The following CASP8 variants were observed in gnomAD, a reference collection of about 807,000 sequenced individuals.
CASP8 encodes the protein caspase 8.
In CASP8, 24 loss-of-function variants were observed where a neutral mutation model predicts 46.3. That is an observed-to-expected ratio of 0.52 (90% confidence interval 0.38 to 0.73). CASP8 has a LOEUF of 0.73. CASP8 is among the 30% of genes least tolerant of loss of function. CASP8 has a pLI of 0.00. For synonymous variants in CASP8, 188 were observed against 200.4 expected (o/e 0.94, Z 0.52); for missense variants, 460 against 559.0 (o/e 0.82, Z 1.79).
upstream of CASP8, among the ~76,000 whole-genome samples, chr2:201,256,833 A>G (rs1947039569): frequency 6.6e-6 from 1 of 152,204 alleles, no homozygotes; most frequent in Non-Finnish European, 1.5e-5. Flanking sequence ...TGTGAAAGCA[A>G]AAGGGCAGAA....
chr2:201,249,403 G>A (rs748347348), intron 2 of CASP8, among the ~76,000 whole-genome samples: 1 of 152,168 alleles, frequency 6.6e-6, no homozygotes, highest in Non-Finnish European at 1.5e-5. Flanking sequence ...AAAATTAATG[G>A]ATTATTTTTT....
upstream of CASP8, chr2:201,258,404 G>A (rs1383923889): frequency 6.2e-7 from 1 of 1,613,710 alleles, no homozygotes; most frequent in Admixed American, 1.7e-5. Flanking sequence ...TTGCCAAGGT[G>A]GCCTCTTCAA....
At chr2:201,243,359 C>T (rs749678152) in intron 2 of CASP8, among the ~76,000 whole-genome samples, 3 of 152,174 alleles carry the variant, frequency 2.0e-5, no homozygotes, top group Non-Finnish European at 4.4e-5. Flanking sequence ...AATTTACACA[C>T]AAGACAATTT....
chr2:201,278,513 T>C (rs1038370370), intron 7 of CASP8, among the ~76,000 whole-genome samples: 1 of 152,124 alleles, frequency 6.6e-6, no homozygotes, highest in African/African-American at 2.4e-5. Flanking sequence ...TATTTTTTTC[T>C]ATTCCTAATG....
chr2:201,269,850 C>T (rs901673433), intron 2 of CASP8, among the ~76,000 whole-genome samples: 12 of 152,098 alleles, frequency 7.9e-5, no homozygotes, highest in Non-Finnish European at 1.0e-4. Context: ...ACAAGAAAGC[C>T]TATAGGCTTC....
intron 6 of CASP8, among the ~76,000 whole-genome samples, chr2:201,275,542 A>C (rs948885943): frequency 1.2e-4 from 19 of 152,344 alleles, no homozygotes; most frequent in Admixed American, 9.8e-4. Flanking sequence ...GAAATCCTGA[A>C]TATCTGAAGT....
chr2:201,238,475 T>C (rs1946151799), intron 2 of CASP8, among the ~76,000 whole-genome samples: 2 of 152,012 alleles, frequency 1.3e-5, no homozygotes, highest in Admixed American at 1.3e-4. Context: ...GGAGTCTTAC[T>C]CTGTCACTCA....
Position 201,274,927 on chromosome 2 carries a change from C to A in CASP8, c.634C>A (p.Pro212Thr). Reference protein sequence around the residue: ...LCGVMTISDSPREQDSESQTL... With the variant: ...LCGVMTISDSTREQDSESQTL... ...TGGGGTAATGACAATCTCGGACTCTCCAAGAGAACAGGATAGTGAATCACA... is the reference window on the plus strand; with the variant it reads ...TGGGGTAATGACAATCTCGGACTCTACAAGAGAACAGGATAGTGAATCACA... Residue 212 changes from proline (P) to threonine (T), a missense_variant, in exon 6 of 9, where the codon CCA becomes ACA. Pro to Thr is a conservative substitution (Grantham distance 38, BLOSUM62 -1). Coordinates refer to ENST00000673742, the MANE Select transcript of CASP8 (RefSeq NM_001372051.1). The A allele has an allele frequency of 6.2e-7, 1 of 1,613,178 alleles. No individual in the cohort carries two copies. The highest frequency in any genetic ancestry group is 2.2e-5 in the East Asian group (1 of 44,862).
chr2:201,234,124 A>C (rs908800939), intron 2 of CASP8: 4 of 152,484 alleles, frequency 2.6e-5, no homozygotes, highest in African/African-American at 9.7e-5. Flanking sequence ...TAAGCCTGGG[A>C]TTTCCAGAGG....
At chr2:201,249,151 C>T (rs146544657) in intron 2 of CASP8, among the ~76,000 whole-genome samples, 2 of 152,268 alleles carry the variant, frequency 1.3e-5, no homozygotes, top group East Asian at 1.9e-4. Flanking sequence ...CCTTGGCCTC[C>T]CAAAGTGCTG....
Position 201,260,585 on chromosome 2 carries a change from G to A in CASP8, c.-55G>A, listed in dbSNP as rs1947316115. 1.0e-6 allele frequency: 1 copy of A among 984,520 alleles called. No individual in the cohort carries two copies. The highest frequency in any genetic ancestry group is 1.7e-5 in the African/African-American group (1 of 57,220). The allele number at this position is 984,520 out of a possible 1,614,324, so 61.0% of individuals were successfully genotyped here. On this transcript the variant is annotated 5_prime_UTR_variant, in exon 1 of 9. Coordinates refer to ENST00000673742, the MANE Select transcript of CASP8 (RefSeq NM_001372051.1). ...CTCAGATGGTAGTGGATAGGCCTGT[G>A]ACGAAGGTGCTACCATCGTGAGAGT...
intron 7 of CASP8, among the ~76,000 whole-genome samples, chr2:201,281,151 T>C (rs912472983): frequency 2.0e-5 from 3 of 151,944 alleles, no homozygotes; most frequent in East Asian, 1.9e-4. Flanking sequence ...CTGTCTCTAC[T>C]AAAAATACAA....
At chr2:201,283,284 C>T (rs1323956774) in intron 7 of CASP8, among the ~76,000 whole-genome samples, 1 of 94,132 alleles carries the variant, frequency 1.1e-5, no homozygotes, top group African/African-American at 3.7e-5. Context: ...CCCCCACCTC[C>T]CTCCTGGACG....
chr2:201,246,211 C>G (rs1946512639), intron 2 of CASP8, among the ~76,000 whole-genome samples: 6 of 152,272 alleles, frequency 3.9e-5, no homozygotes, highest in Admixed American at 3.9e-4. Context: ...GATTGCAGGC[C>G]TCTTTCGTTT....
chr2:201,236,235 C>T (rs13390902), intron 2 of CASP8, among the ~76,000 whole-genome samples: 6,999 of 152,272 alleles, frequency 0.046, 221 homozygotes, highest in Middle Eastern at 0.085. Flanking sequence ...AAATTTTCTC[C>T]TAGCCTTGCT....
At chr2:201,269,053 C>T (rs1225691052) in intron 2 of CASP8, among the ~76,000 whole-genome samples, 1 of 151,908 alleles carries the variant, frequency 6.6e-6, no homozygotes, top group African/African-American at 2.4e-5. Context: ...ATCCTCCCAC[C>T]TCAGCCTCCC....
chr2:201,270,512 G>C (rs757949908), intron 2 of CASP8, among the ~76,000 whole-genome samples: 1 of 152,154 alleles, frequency 6.6e-6, no homozygotes, highest in South Asian at 2.1e-4. Context: ...AATAAAAAGG[G>C]TACGGACCTG....
intron 2 of CASP8, among the ~76,000 whole-genome samples, chr2:201,245,568 C>T (rs1294971491): frequency 1.3e-5 from 2 of 152,144 alleles, no homozygotes; most frequent in Non-Finnish European, 2.9e-5. Context: ...TCCGGAGTAT[C>T]ATGAACAAAG....
At chr2:201,273,793 AC>A (rs1374372875) in intron 5 of CASP8, among the ~76,000 whole-genome samples, 3 of 151,434 alleles carry the variant, frequency 2.0e-5, no homozygotes, top group African/African-American at 7.3e-5. Flanking sequence ...TCTTGCCTCA[AC>A]CCCCTGAGTA....
Sources: gnomAD v4.1 joint callset for allele counts (sites outside exome capture counted in the v4.1 genomes callset) on GRCh38, gnomAD v4.1.1 for gene constraint, MANE v1.5 for transcripts, NCBI Gene and HGNC (gene_info 2026-07-23, HGNC 2026-07-21) for gene names.